Variants in ARID1B observed in about 807,000 individuals in gnomAD.
ARID1B encodes the protein AT-rich interactive domain-containing protein 1B.
A neutral mutation model predicts 212.3 loss-of-function variants in ARID1B; 30 were observed. That is an observed-to-expected ratio of 0.14 (90% CI 0.11 to 0.19). ARID1B has a LOEUF of 0.19. Ranked by LOEUF, ARID1B falls within the 10% of genes least tolerant of loss-of-function variation. The pLI is 1.00. For synonymous variants in ARID1B, 1,402 were observed against 1,301.7 expected (o/e 1.08, Z -1.66); for missense variants, 2,891 against 3,204.0 (o/e 0.90, Z 2.36).
At chr6:156,805,789 T>C (rs1196802209) in intron 1 of ARID1B, among the ~76,000 whole-genome samples, 3 of 152,076 alleles carry the variant, frequency 2.0e-5, no homozygotes, top group Non-Finnish European at 4.4e-5. Flanking sequence ...GATCCTCCCA[T>C]CTCAGCCTCC....
At chr6:157,155,749 A>T (rs1266339385) in intron 8 of ARID1B, among the ~76,000 whole-genome samples, 2 of 152,128 alleles carry the variant, frequency 1.3e-5, no homozygotes, top group African/African-American at 4.8e-5. Context: ...ATCAGTGGTA[A>T]CCCCACCGTA....
chr6:156,897,230 T>G lies in ARID1B; in HGVS notation c.1987-4146T>G, dbSNP rs1411360755. On this transcript the variant is annotated intron_variant, in intron 2 of 19. Coordinates refer to ENST00000636930, the MANE Select transcript of ARID1B (RefSeq NM_001374828.1). Reference sequence around the variant, plus strand: ...TGCTGCTGCTGCTGCTTCTTCTTCTTCTTCTTCTTCTTCTTCTTCTTCTTC... The same window carrying G: ...TGCTGCTGCTGCTGCTTCTTCTTCTGCTTCTTCTTCTTCTTCTTCTTCTTC... Among the ~76,000 whole-genome samples the G allele has an allele frequency of 9.1e-4, 79 of 86,728 alleles. 1 individual carries two copies. The highest frequency in any genetic ancestry group is 2.3e-3 in the African/African-American group (54 of 23,022). The allele number at this position is 86,728 out of a possible 152,430, so 56.9% of individuals were successfully genotyped here.
chr6:157,127,553 C>T lies in ARID1B; in HGVS notation c.2582-5475C>T, dbSNP rs573869132. Among the ~76,000 whole-genome samples, 31 of 151,696 alleles carry T rather than the reference C, an allele frequency of 2.0e-4. No homozygotes were observed. The South Asian group carries it at 4.2e-3, about 20-fold the overall frequency. ...TTGGGAGGCCGAGGTGGGCGGATCA[C>T]AAGGTCAGGAGATCGAGACCATCCT... On this transcript the variant is annotated intron_variant, in intron 6 of 19. Transcript: ENST00000636930.
intron 3 of ARID1B, among the ~76,000 whole-genome samples, chr6:156,912,677 G>A (rs1489411113): frequency 6.6e-6 from 1 of 152,158 alleles, no homozygotes; most frequent in African/African-American, 2.4e-5. Flanking sequence ...GGAGAACTTA[G>A]AGGTACCAGC....
At chr6:156,972,493 G>A (rs1483739605) in intron 4 of ARID1B, among the ~76,000 whole-genome samples, 1 of 152,210 alleles carries the variant, frequency 6.6e-6, no homozygotes, top group Non-Finnish European at 1.5e-5. Context: ...ATTGGATTGT[G>A]TCACGTTGAT....
At chr6:157,173,851 A>C in intron 9 of ARID1B, 157 bp from the exon 10 acceptor site, 1 of 606,486 alleles carries the variant, frequency 1.6e-6, no homozygotes, top group South Asian at 2.6e-5. Flanking sequence ...TTTGCATTTC[A>C]GAAATTAATA....
intron 13 of ARID1B, 180 bp downstream of exon 13, chr6:157,184,615 G>T (rs765135266): frequency 7.1e-6 from 5 of 703,270 alleles, no homozygotes; most frequent in Non-Finnish European, 1.2e-5. Flanking sequence ...AGGGATGAGA[G>T]AATTAAATCT....
intron 4 of ARID1B, among the ~76,000 whole-genome samples, chr6:157,049,324 C>G (rs143183691): frequency 6.6e-6 from 1 of 152,268 alleles, no homozygotes; most frequent in Non-Finnish European, 1.5e-5. Flanking sequence ...TGTGACCTTC[C>G]TTTGGTAGCT....
In ARID1B at chr6:157,143,492, G is replaced by T. The variant is rs543776884; in HGVS notation, c.2762-5132G>T. ...TGCACACATTTTTAAAAGATGGGGG[G>T]GGTGATGTTAGTGATGTTGTTATGG... On this transcript the variant is annotated intron_variant, in intron 7 of 19. Transcript: ENST00000636930. 4.6e-5 allele frequency among the ~76,000 whole-genome samples: 7 copies of T among 151,932 alleles called. No individual in the cohort carries two copies. The South Asian group carries it at 1.5e-3, about 32-fold the overall frequency.
chr6:156,983,189 G>A (rs933469189), intron 4 of ARID1B, among the ~76,000 whole-genome samples: 1 of 151,982 alleles, frequency 6.6e-6, no homozygotes, highest in Non-Finnish European at 1.5e-5. Flanking sequence ...GAGGTCAGGA[G>A]TTCAAGACCA....
intron 1 of ARID1B, among the ~76,000 whole-genome samples, chr6:156,815,265 A>G (rs1781884514): frequency 6.6e-6 from 1 of 152,218 alleles, no homozygotes. Context: ...AACGTAGGGT[A>G]AAATTTTCTA....
chr6:157,173,120 C>CT (rs1210307042), intron 9 of ARID1B: 1 of 152,240 alleles, frequency 6.6e-6, no homozygotes, highest in African/African-American at 2.4e-5. Context: ...CCCTGGATAG[C>CT]TACACTGATT....
rs769132694 is a variant in ARID1B at position 157,174,070 on chromosome 6, G to A, written c.3298G>A (p.Ala1100Thr). 1.4e-5 allele frequency: 23 copies of A among 1,614,002 alleles called. No individual in the cohort carries two copies. The highest frequency in any genetic ancestry group is 2.7e-5 in the African/African-American group (2 of 74,890). The change falls in exon 10 of 20, where the codon GCA becomes ACA. Residue 1100 changes from alanine to threonine, a missense_variant. By Grantham distance (58) the Ala-to-Thr change is moderately conservative. Around this residue, in one of 7 missense-constraint regions of ARID1B, gnomAD observed 1,643 missense variants for 1,544.0 expected, o/e 1.06. Coordinates refer to ENST00000636930, the MANE Select transcript of ARID1B (RefSeq NM_001374828.1). ...GESKLPLPLK[A>T]DGKEEGTPQP... ...ATCCAAACTGCCCCTGCCTCTCAAA[G>A]CAGACGGCAAAGAAGAAGGCACTCC...
chr6:157,001,736 T>C (rs1778925487), intron 4 of ARID1B, among the ~76,000 whole-genome samples: 1 of 152,234 alleles, frequency 6.6e-6, no homozygotes, highest in Non-Finnish European at 1.5e-5. Flanking sequence ...AAGATGCAGT[T>C]GTCCCCCTCC....
intron 1 of ARID1B, among the ~76,000 whole-genome samples, chr6:156,820,843 A>G (rs193074576): frequency 3.1e-4 from 47 of 152,366 alleles, no homozygotes; most frequent in Non-Finnish European, 5.7e-4. Context: ...TTGTACTTGC[A>G]TAGCAAGAGT....
chr6:157,039,795 T>TC (rs1491191183), intron 4 of ARID1B, among the ~76,000 whole-genome samples: 1 of 139,832 alleles, frequency 7.2e-6, no homozygotes, highest in Non-Finnish European at 1.5e-5. Flanking sequence ...CTTCCTTCCT[T>TC]CTTTCTTTCT....
At chr6:156,996,460 C>T (rs1778598532) in intron 4 of ARID1B, among the ~76,000 whole-genome samples, 1 of 152,202 alleles carries the variant, frequency 6.6e-6, no homozygotes, top group Non-Finnish European at 1.5e-5. Flanking sequence ...AGAAATTGTA[C>T]TGAACCAGAA....
intron 2 of ARID1B, among the ~76,000 whole-genome samples, chr6:156,887,448 A>C (rs760407996): frequency 2.0e-5 from 3 of 152,212 alleles, no homozygotes; most frequent in Non-Finnish European, 2.9e-5. Flanking sequence ...CATCATTTAA[A>C]TTTAGGGGTA....
At chr6:156,917,735 A>T (rs1342928909) in intron 3 of ARID1B, among the ~76,000 whole-genome samples, 1 of 152,230 alleles carries the variant, frequency 6.6e-6, no homozygotes. Flanking sequence ...AGTGATTAAA[A>T]ATGAAATGAG....
Sources: gnomAD v4.1 joint callset for allele counts (sites outside exome capture counted in the v4.1 genomes callset) on GRCh38, gnomAD v4.1.1 for gene constraint, gnomAD v4.1.1 regional missense constraint, MANE v1.5 for transcripts, NCBI Gene and HGNC (gene_info 2026-07-23, HGNC 2026-07-21) for gene names.